TVP23C: variants seen among roughly 807,000 people sequenced by gnomAD.
The protein encoded by TVP23C is trans-golgi network vesicle protein 23 homolog C.
A neutral mutation model predicts 28.7 loss-of-function variants in TVP23C; 19 were observed. That is an observed-to-expected ratio of 0.66 (90% CI 0.46 to 0.97). The LOEUF (loss-of-function observed/expected upper bound fraction) is 0.97, where lower values mean the gene tolerates loss of function less well. Among genes scored for constraint, TVP23C ranks in the 50% least tolerant of loss-of-function variants. The probability of loss-of-function intolerance (pLI) is 0.00; values close to 1 mark genes in which losing one functional copy is unlikely to be tolerated. For synonymous variants in TVP23C, 68 were observed against 81.7 expected, an observed-to-expected ratio of 0.83 and a Z score of 0.90; for missense variants, 186 against 241.3, an observed-to-expected ratio of 0.77 and a Z score of 1.52.
chr17:15,502,892 T>G (rs374541045), exon 6 of TVP23C: 11 of 1,591,732 alleles, frequency 6.9e-6, no homozygotes, highest in Middle Eastern at 1.7e-4. Context: ...CAGATGAAAT[T>G]TTGGCCCGGG....
At position 15,560,288 on chromosome 17, in the gene TVP23C, T is replaced by G. The variant is rs551789003; in HGVS notation, c.12+3149A>C. On this transcript the variant is annotated intron_variant, in intron 1 of 5. Coordinates refer to ENST00000518321, the MANE Select transcript of TVP23C (RefSeq NM_001135036.2). The stretch of plus-strand genomic sequence containing the variant: ...ACCATGTTGGCCAGGATGGTCTCCA[T>G]CTCTTGACCTCATGATCCACCCACC... 7.4e-4 allele frequency among the ~76,000 whole-genome samples: 111 copies of G among 149,092 alleles called. 1 individual carries two copies. Among genetic ancestry groups the G allele is most frequent in the Middle Eastern group, 3.5e-3 (1 of 284 alleles).
At chr17:15,507,380 A>G in intron 5 of TVP23C, 1 of 663,398 alleles carries the variant, frequency 1.5e-6, no homozygotes, top group Admixed American at 2.0e-5. Context: ...TATCTTAACC[A>G]CTGGACCATT....
At chr17:15,517,070 A>G (rs961130439) in intron 5 of TVP23C, among the ~76,000 whole-genome samples, 3 of 152,124 alleles carry the variant, frequency 2.0e-5, no homozygotes, top group African/African-American at 7.2e-5. Flanking sequence ...TATAAAAGAG[A>G]GTGTCTATTT....
At chr17:15,549,910 G>C (rs1184351346) in intron 3 of TVP23C, among the ~76,000 whole-genome samples, 1 of 151,454 alleles carries the variant, frequency 6.6e-6, no homozygotes, top group African/African-American at 2.4e-5. Context: ...TCCTATGGGA[G>C]AGATGCTAAG....
chr17:15,522,349 C>T (rs1328567568), intron 5 of TVP23C, among the ~76,000 whole-genome samples: 1 of 152,114 alleles, frequency 6.6e-6, no homozygotes, highest in African/African-American at 2.4e-5. Context: ...TGAGATAAGA[C>T]ATTCACAATA....
At chr17:15,543,245 C>T (rs1167401511) in intron 5 of TVP23C, among the ~76,000 whole-genome samples, 1 of 147,840 alleles carries the variant, frequency 6.8e-6, no homozygotes, top group East Asian at 2.0e-4. Flanking sequence ...GAGCAGCAGC[C>T]ACGTGCCTCA....
chr17:15,534,606 CACA>C (rs1567637820), downstream of TVP23C, among the ~76,000 whole-genome samples: 194 of 148,720 alleles, frequency 1.3e-3, no homozygotes, highest in African/African-American at 4.4e-3. Context: ...CACACACACA[CACA>C]CACCCTTACC....
At chr17:15,556,955 A>G (rs1024717038) in intron 1 of TVP23C, among the ~76,000 whole-genome samples, 1 of 151,048 alleles carries the variant, frequency 6.6e-6, no homozygotes, top group African/African-American at 2.4e-5. Context: ...TGCTTCTGAC[A>G]CTGTCTTCAT....
intron 1 of TVP23C, chr17:15,562,405 G>A (rs1024589296): frequency 2.0e-5 from 3 of 152,094 alleles, no homozygotes; most frequent in Admixed American, 1.3e-4. Flanking sequence ...TTTTAGTAGA[G>A]ACAGGGTTTC....
At chr17:15,532,854 C>T (rs1983004305), downstream of TVP23C, among the ~76,000 whole-genome samples, 3 of 152,196 alleles carry the variant, frequency 2.0e-5, no homozygotes, top group South Asian at 6.2e-4. Flanking sequence ...GAACACTAGA[C>T]ATTACCAACC....
chr17:15,514,661 G>A (rs1174815757), intron 5 of TVP23C, among the ~76,000 whole-genome samples: 4 of 152,126 alleles, frequency 2.6e-5, no homozygotes, highest in Non-Finnish European at 4.4e-5. Context: ...CTGGTAAAAC[G>A]GAGAGAGTTC....
At chr17:15,504,498 G>A (rs1007972744) in intron 5 of TVP23C, among the ~76,000 whole-genome samples, 3 of 152,238 alleles carry the variant, frequency 2.0e-5, no homozygotes, top group East Asian at 1.9e-4. Flanking sequence ...TTGAGAGCGC[G>A]GAAGATGAGG....
At chr17:15,563,401 A>G in intron 1 of TVP23C, 36 bp downstream of exon 1, 1 of 1,581,544 alleles carries the variant, frequency 6.3e-7, no homozygotes, top group Non-Finnish European at 8.6e-7. Flanking sequence ...CAGTCCCAGG[A>G]GCCGCCACCC....
At chr17:15,535,706 T>C (rs548460555), downstream of TVP23C, among the ~76,000 whole-genome samples, 41 of 152,346 alleles carry the variant, frequency 2.7e-4, no homozygotes, top group Non-Finnish European at 4.9e-4. Flanking sequence ...TTTACTAAAT[T>C]ATTACATCTC....
intron 5 of TVP23C, among the ~76,000 whole-genome samples, chr17:15,523,176 T>C (rs945568925): frequency 4.0e-5 from 6 of 150,260 alleles, no homozygotes; most frequent in African/African-American, 1.5e-4. Context: ...GGCTAATTTT[T>C]TGTATTTTAA....
Position 15,555,313 on chromosome 17 carries a change from T to A in TVP23C, c.64A>T (p.Thr22Ser), listed in dbSNP as rs778287192. Residue 22 changes from threonine to serine, a missense_variant, in exon 2 of 6, where the codon ACG (threonine) becomes TCG (serine). Thr to Ser is a moderately conservative substitution (Grantham distance 58). Coordinates refer to ENST00000518321, the MANE Select transcript of TVP23C (RefSeq NM_001135036.2). ...TTGGCTTTTCTTGGTCTATTAGTCG[T>A]CTCCTCTTCCGCATCAAACAGTGAA... Reference protein sequence around the residue: ...DVSLFDAEEETTNRPRKAKIR... With the variant: ...DVSLFDAEEESTNRPRKAKIR... The A allele has an allele frequency of 6.2e-7, 1 of 1,613,912 alleles. No individual in the cohort carries two copies. The highest frequency in any genetic ancestry group is 8.5e-7 in the Non-Finnish European group (1 of 1,179,860).
intron 5 of TVP23C, among the ~76,000 whole-genome samples, chr17:15,519,114 C>T (rs1047081888): frequency 6.6e-6 from 1 of 152,160 alleles, no homozygotes; most frequent in African/African-American, 2.4e-5. Context: ...CTGTCCACTA[C>T]ACCGCTTCTT....
At chr17:15,553,961 G>A (rs1371338798) in intron 2 of TVP23C, 132 bp from the exon 3 acceptor site, 1 of 1,514,790 alleles carries the variant, frequency 6.6e-7, no homozygotes, top group Non-Finnish European at 9.0e-7. Flanking sequence ...GACTTTAGTA[G>A]GAGGAAGCAA....
exon 6 of TVP23C, chr17:15,502,987 C>A (rs1402837349): frequency 1.9e-6 from 3 of 1,613,942 alleles, no homozygotes; most frequent in Non-Finnish European, 2.5e-6. Context: ...GGGCGGGCGC[C>A]ATCTGTTGGC....
Sources: gnomAD v4.1 joint callset for allele counts (sites outside exome capture counted in the v4.1 genomes callset) on GRCh38, gnomAD v4.1.1 for gene constraint, MANE v1.5 for transcripts, NCBI Gene and HGNC (gene_info 2026-07-23, HGNC 2026-07-21) for gene names.